The following OR5H15 variants were observed in gnomAD, a reference collection of about 807,000 sequenced individuals.
OR5H15 encodes olfactory receptor family 5 subfamily H member 15, also known as olfactory receptor 5H15.
For synonymous variants in OR5H15, 153 were observed against 129.1 expected (o/e 1.19, Z -1.26); for missense variants, 405 against 366.1 (o/e 1.11, Z -0.87).
chr3:98,168,619 C>A (rs1015735789), intron 1 of OR5H15, 63 bp from the exon 2 acceptor site: 97 of 1,549,740 alleles, frequency 6.3e-5, no homozygotes, highest in Non-Finnish European at 8.2e-5. Context: ...AACATCTCTT[C>A]CCCAATTTCA....
intron 1 of OR5H15, among the ~76,000 whole-genome samples, 175 bp downstream of exon 1, chr3:98,167,006 C>T (rs139184026): frequency 0.01 from 1,568 of 152,074 alleles, 24 homozygotes; most frequent in African/African-American, 0.033. Context: ...AACATAGATA[C>T]GGTAAATAGT....
At position 98,168,926 on chromosome 3, in the gene OR5H15, C is replaced by T; in HGVS notation, c.227C>T (p.Thr76Ile). ...LAFVDAWISS[T>I]VTPKMLNNFL... ...TTTGTGGATGCTTGGATATCATCCA[C>T]AGTGACCCCAAAGATGCTGAATAAC... Residue 76 changes from threonine (T) to isoleucine (I), a missense_variant, in exon 2 of 2, where the codon ACA becomes ATA. Thr to Ile is a moderately conservative substitution (Grantham distance 89). Coordinates refer to ENST00000641450, the MANE Select transcript of OR5H15 (RefSeq NM_001005515.2). The T allele has an allele frequency of 6.2e-7, 1 of 1,613,438 alleles. No homozygotes were observed. The highest frequency in any genetic ancestry group is 1.7e-4 in the Middle Eastern group (1 of 6,052).
intron 1 of OR5H15, among the ~76,000 whole-genome samples, chr3:98,167,781 A>G (rs375647103): frequency 6.6e-6 from 1 of 152,058 alleles, no homozygotes; most frequent in African/African-American, 2.4e-5. Flanking sequence ...AGTTGTCCAG[A>G]TGATGCTCAC....
intron 1 of OR5H15, among the ~76,000 whole-genome samples, chr3:98,167,050 AT>A (rs139220314): frequency 0.013 from 1,989 of 152,170 alleles, 39 homozygotes; most frequent in African/African-American, 0.044. Context: ...ATATTTTACT[AT>A]TTTGTTGATC....
Position 98,169,487 on chromosome 3 carries a change from C to A in OR5H15, c.788C>A (p.Ala263Glu). Residue 263 changes from alanine to glutamate, a missense_variant, in exon 2 of 2, where the codon GCA (alanine) becomes GAA (glutamate). By Grantham distance (107) the Ala-to-Glu change is moderately radical. Coordinates refer to ENST00000641450, the MANE Select transcript of OR5H15 (RefSeq NM_001005515.2). ...CTTCTCTTAATGTATGTGGGCCCTG[C>A]ATCTCCGCAAGCAGATGGTCAAAAT... is the stretch of plus-strand genomic sequence containing the variant. The part of the protein sequence containing the change: ...GPLLLMYVGP[A>E]SPQADGQNMV... The A allele has an allele frequency of 3.1e-6, 5 of 1,613,528 alleles. No individual in the cohort carries two copies. The highest frequency in any genetic ancestry group is 4.2e-6 in the Non-Finnish European group (5 of 1,179,672).
At position 98,169,193 on chromosome 3, in the gene OR5H15, G is replaced by C; in HGVS notation, c.494G>C (p.Arg165Thr). 6.2e-7 allele frequency: 1 copy of C among 1,613,170 alleles called. No individual in the cohort carries two copies. Among genetic ancestry groups the C allele is most frequent in the Admixed American group, 1.7e-5 (1 of 59,848 alleles). ...TTAATCCATGAAGGATTTTTATTCA[G>C]ACTAACCTTCTGTAACTCCAACATA... ...HALIHEGFLF[R>T]LTFCNSNIVH... Residue 165 changes from arginine to threonine, a missense_variant, in exon 2 of 2, where the codon AGA (arginine) becomes ACA (threonine). Arg to Thr is a moderately conservative substitution (Grantham distance 71). Coordinates refer to ENST00000641450, the MANE Select transcript of OR5H15 (RefSeq NM_001005515.2).
rs747828840 is a variant in OR5H15, at chr3:98,168,764, A to T, written c.65A>T (p.Gln22Leu). 8 of 1,613,498 alleles carry T rather than the reference A, an allele frequency of 5.0e-6. No individual in the cohort carries two copies. Among genetic ancestry groups the T allele is most frequent in the Non-Finnish European group, 5.9e-6 (7 of 1,179,540 alleles). ...CTCACAGGATTTTTATATCAACCAC[A>T]GTGGAAAATACCCCTGTTCTTGGCA... ...FVLTGFLYQP[Q>L]WKIPLFLAFL... The change falls in exon 2 of 2, where the codon CAG (glutamine) becomes CTG (leucine). Residue 22 changes from glutamine to leucine, a missense_variant. Coordinates refer to ENST00000641450, the MANE Select transcript of OR5H15 (RefSeq NM_001005515.2).
rs543199148 is a variant in OR5H15, at chr3:98,169,592, T to G, written c.893T>G (p.Ile298Arg). ...IIYSLRNKQV[I>R]VSFIKMLKRN... is the part of the protein sequence containing the mutation. ...TACAGTCTGAGAAATAAGCAAGTCA[T>G]AGTTTCATTCATAAAAATGTTAAAA... is the stretch of plus-strand genomic sequence containing the variant. Residue 298 changes from isoleucine (I) to arginine (R), a missense_variant, in exon 2 of 2, where the codon ATA (isoleucine) becomes AGA (arginine). Coordinates refer to ENST00000641450, the MANE Select transcript of OR5H15 (RefSeq NM_001005515.2). 6.2e-7 allele frequency: 1 copy of G among 1,605,986 alleles called. No individual in the cohort carries two copies. Among genetic ancestry groups the G allele is most frequent in the Non-Finnish European group, 8.5e-7 (1 of 1,174,588 alleles).
At chr3:98,167,867 C>T (rs1708741547) in intron 1 of OR5H15, among the ~76,000 whole-genome samples, 2 of 152,068 alleles carry the variant, frequency 1.3e-5, no homozygotes. Flanking sequence ...ACTCCTCTCT[C>T]CTTTACTGAC....
rs1235655354 is a variant in OR5H15, at chr3:98,168,815, T to C, written c.116T>C (p.Ile39Thr). The C allele has an allele frequency of 1.9e-6, 3 of 1,613,496 alleles. No homozygotes were observed. In the Admixed American group the frequency reaches 5.0e-5, roughly 27 times the overall value. Reference sequence around the variant, plus strand: ...TTCTTGGTAATATATCTCATCACCATCATGGGGAATCTTGGTCTGATTGCT... The same window carrying C: ...TTCTTGGTAATATATCTCATCACCACCATGGGGAATCTTGGTCTGATTGCT... Reference protein sequence around the residue: ...LAFLVIYLITIMGNLGLIAVI... With the variant: ...LAFLVIYLITTMGNLGLIAVI... The change falls in exon 2 of 2, where the codon ATC becomes ACC. Residue 39 changes from isoleucine (I) to threonine (T), a missense_variant. Coordinates refer to ENST00000641450, the MANE Select transcript of OR5H15 (RefSeq NM_001005515.2).
chr3:98,169,603 A>T lies in OR5H15; in HGVS notation c.904A>T (p.Ile302Leu), dbSNP rs190353249. The T allele has an allele frequency of 8.1e-6, 13 of 1,602,884 alleles. No homozygotes were observed. The East Asian group carries it at 2.5e-4, about 30-fold the overall frequency. ...LRNKQVIVSF[I>L]KMLKRNVKVS... Reference sequence around the variant, plus strand: ...AAATAAGCAAGTCATAGTTTCATTCATAAAAATGTTAAAAAGAAATGTTAA... The same window carrying T: ...AAATAAGCAAGTCATAGTTTCATTCTTAAAAATGTTAAAAAGAAATGTTAA... The change falls in exon 2 of 2, where the codon ATA becomes TTA. Residue 302 changes from isoleucine (I) to leucine (L), a missense_variant. Physicochemically the swap from Ile to Leu is conservative, Grantham distance 5. Coordinates refer to ENST00000641450, the MANE Select transcript of OR5H15 (RefSeq NM_001005515.2).
chr3:98,168,117 A>G (rs555395031), intron 1 of OR5H15, among the ~76,000 whole-genome samples: 1 of 152,186 alleles, frequency 6.6e-6, no homozygotes, highest in Non-Finnish European at 1.5e-5. Flanking sequence ...ACTCTGTCAG[A>G]TAATTTTTAT....
rs1708723957 is a variant in OR5H15 at position 98,166,815 on chromosome 3, T to C, written c.-35T>C. On this transcript the variant is annotated 5_prime_UTR_variant, in exon 1 of 2. Transcript: ENST00000641450. ...TAACACATTTAAAGGATATCCACAA[T>C]TTCCTTCAAAATATAGGTAAGGAAG... 6.6e-6 allele frequency: 1 copy of C among 152,158 alleles called. No individual in the cohort carries two copies. The highest frequency in any genetic ancestry group is 1.5e-5 in the Non-Finnish European group (1 of 68,016). 9.4% of individuals were successfully genotyped at this position (152,158 alleles called of 1,614,324 possible).
chr3:98,168,160 C>T (rs1576113923), intron 1 of OR5H15, among the ~76,000 whole-genome samples: 1 of 152,138 alleles, frequency 6.6e-6, no homozygotes, highest in East Asian at 1.9e-4. Flanking sequence ...CTGGACCTTA[C>T]TAAGAAGTTT....
chr3:98,169,565 T>C lies in OR5H15; in HGVS notation c.866T>C (p.Ile289Thr). 6.2e-7 allele frequency: 1 copy of C among 1,611,662 alleles called. No homozygotes were observed. Among genetic ancestry groups the C allele is most frequent in the Non-Finnish European group, 8.5e-7 (1 of 1,178,122 alleles). Residue 289 changes from isoleucine (I) to threonine (T), a missense_variant, in exon 2 of 2, where the codon ATC becomes ACC. Transcript: ENST00000641450. Reference sequence around the variant, plus strand: ...ATCATTCCTTTGTTAAATCCTATCATCTACAGTCTGAGAAATAAGCAAGTC... The same window carrying C: ...ATCATTCCTTTGTTAAATCCTATCACCTACAGTCTGAGAAATAAGCAAGTC... ...TVIIPLLNPI[I>T]YSLRNKQVIV... is the part of the protein sequence containing the mutation.
chr3:98,168,753 A>G lies in OR5H15; in HGVS notation c.54A>G (p.Leu18=), dbSNP rs757953983. 2.5e-5 allele frequency: 40 copies of G among 1,613,472 alleles called. No homozygotes were observed. The highest frequency in any genetic ancestry group is 3.4e-5 in the Non-Finnish European group (40 of 1,179,534). The change falls in exon 2 of 2, where the codon TTA becomes TTG. Residue 18 remains leucine (L), a synonymous_variant. Coordinates refer to ENST00000641450, the MANE Select transcript of OR5H15 (RefSeq NM_001005515.2). ...CAGAGTTTGTTCTCACAGGATTTTT[A>G]TATCAACCACAGTGGAAAATACCCC... is the stretch of plus-strand genomic sequence containing the variant. The part of the protein sequence containing the change: ...LLTEFVLTGF[L]YQPQWKIPLF...
At position 98,169,694 on chromosome 3, in the gene OR5H15, C is replaced by T. The variant is rs1405655797; in HGVS notation, c.*53C>T. 5 of 1,327,158 alleles carry T rather than the reference C, an allele frequency of 3.8e-6. No homozygotes were observed. The highest frequency in any genetic ancestry group is 4.9e-5 in the East Asian group (2 of 41,176). The allele number at this position is 1,327,158 out of a possible 1,614,324, so 82.2% of individuals were successfully genotyped here. On this transcript the variant is annotated 3_prime_UTR_variant, in exon 2 of 2. Transcript: ENST00000641450. ...CACAAAATTACGCAAGTTAGAGGTA[C>T]CTATGTTGTTTCCAGTGTTCAAACA... is the stretch of plus-strand genomic sequence containing the variant.
chr3:98,168,244 A>G, intron 1 of OR5H15, among the ~76,000 whole-genome samples: 1 of 152,158 alleles, frequency 6.6e-6, no homozygotes, highest in Middle Eastern at 3.4e-3. Context: ...TAAATTTAAA[A>G]ATATATTAGA....
In OR5H15 at chr3:98,169,076, T is replaced by C; in HGVS notation, c.377T>C (p.Ile126Thr). The C allele has an allele frequency of 4.3e-6, 7 of 1,613,624 alleles. No individual in the cohort carries two copies. Among genetic ancestry groups the C allele is most frequent in the Non-Finnish European group, 5.9e-6 (7 of 1,179,646 alleles). ...ATMAYDRYVA[I>T]CKPLLYPAIM... Reference sequence around the variant, plus strand: ...ATGGCATATGATCGCTATGTAGCCATATGCAAACCTTTACTTTATCCAGCC... The same window carrying C: ...ATGGCATATGATCGCTATGTAGCCACATGCAAACCTTTACTTTATCCAGCC... The change falls in exon 2 of 2, where the codon ATA becomes ACA. Residue 126 changes from isoleucine (I) to threonine (T), a missense_variant. By Grantham distance (89) the Ile-to-Thr change is moderately conservative. Coordinates refer to ENST00000641450, the MANE Select transcript of OR5H15 (RefSeq NM_001005515.2).
Sources: allele counts gnomAD v4.1 joint callset (sites outside exome capture counted in the v4.1 genomes callset), GRCh38; gene constraint gnomAD v4.1.1; transcripts MANE v1.5; gene names NCBI Gene and HGNC (gene_info 2026-07-23, HGNC 2026-07-21).